Variants in PDS5B observed in about 807,000 individuals in gnomAD.
PDS5B encodes the protein sister chromatid cohesion protein PDS5 homolog B.
In PDS5B, 51 loss-of-function variants were observed where a neutral mutation model predicts 184.1. The observed-to-expected ratio is 0.28, with a 90% CI of 0.22 to 0.35. PDS5B has a LOEUF of 0.35. Ranked by LOEUF, PDS5B falls within the 10% of genes least tolerant of loss-of-function variation. The pLI is 1.00. For missense variants in PDS5B, 1,180 were observed against 1,723.3 expected (o/e 0.68, Z 5.58); for synonymous variants, 566 against 569.2 (o/e 0.99, Z 0.08).
intron 15 of PDS5B, among the ~76,000 whole-genome samples, chr13:32,698,941 G>C (rs146984413): frequency 2.0e-5 from 3 of 152,078 alleles, no homozygotes; most frequent in Non-Finnish European, 4.4e-5. Flanking sequence ...TTTTAGTAGA[G>C]ACAGGGTTTC....
At chr13:32,661,411 CAGAAAA>C (rs374481008) in intron 6 of PDS5B, among the ~76,000 whole-genome samples, 273 of 78,390 alleles carry the variant, frequency 3.5e-3, no homozygotes, top group East Asian at 0.019. Context: ...AAAAAAAAAA[CAGAAAA>C]AGAAAAAGAA....
Position 32,600,350 on chromosome 13 carries a change from CT to C in PDS5B, c.-20+13762del, listed in dbSNP as rs531703312. On this transcript the variant is annotated intron_variant, in intron 1 of 34. Coordinates refer to ENST00000315596, the MANE Select transcript of PDS5B (RefSeq NM_015032.4). ...ATATGATACATCATATCTCTAAACT[CT>C]TTTTATCTTCCCTTGATGAATGTTA... Among the ~76,000 whole-genome samples the C allele has an allele frequency of 5.3e-5, 8 of 152,250 alleles. No homozygotes were observed. In the East Asian group the frequency reaches 1.5e-3, roughly 29 times the overall value.
intron 33 of PDS5B, among the ~76,000 whole-genome samples, chr13:32,771,551 A>T (rs1284351588): frequency 6.6e-6 from 1 of 152,064 alleles, no homozygotes; most frequent in Non-Finnish European, 1.5e-5. Context: ...CAGAGTTGCC[A>T]ATGTACTGTC....
At chr13:32,741,683 TATA>T (rs1953559338) in intron 22 of PDS5B, among the ~76,000 whole-genome samples, 1 of 147,232 alleles carries the variant, frequency 6.8e-6, no homozygotes, top group Admixed American at 7.0e-5. Flanking sequence ...TGTAATTTCT[TATA>T]AACCCTTTCA....
At chr13:32,681,394 G>A (rs147082604) in intron 10 of PDS5B, among the ~76,000 whole-genome samples, 9 of 152,024 alleles carry the variant, frequency 5.9e-5, no homozygotes, top group East Asian at 5.8e-4. Flanking sequence ...AGGCCGAGGC[G>A]GGCAGATTGC....
At position 32,767,564 on chromosome 13, in the gene PDS5B, C is replaced by A. The variant is rs188158628; in HGVS notation, c.3625-2557C>A. On this transcript the variant is annotated intron_variant, in intron 31 of 34. Transcript: ENST00000315596. Reference sequence around the variant, plus strand: ...GGAAAAGGGATTATTTTCTTCATCACAAGAACCAGTGCAACAACAAACATA... The same window carrying A: ...GGAAAAGGGATTATTTTCTTCATCAAAAGAACCAGTGCAACAACAAACATA... Among the ~76,000 whole-genome samples, 43 of 152,238 alleles carry A rather than the reference C, an allele frequency of 2.8e-4. No homozygotes were observed. The East Asian group carries it at 4.8e-3, about 17-fold the overall frequency.
chr13:32,775,485 T>A lies in PDS5B; in HGVS notation c.*433T>A. 2.8e-6 allele frequency: 1 copy of A among 352,810 alleles called. No homozygotes were observed. Among genetic ancestry groups the A allele is most frequent in the Non-Finnish European group, 5.6e-6 (1 of 179,800 alleles). 21.9% of individuals were successfully genotyped at this position (352,810 alleles called of 1,614,324 possible). A position where few individuals can be genotyped will look rare whatever the true frequency, so the allele number is the denominator to read the frequency against. On this transcript the variant is annotated 3_prime_UTR_variant, in exon 35 of 35. Coordinates refer to ENST00000315596, the MANE Select transcript of PDS5B (RefSeq NM_015032.4). ...GTTTGTATTTGTATTCTCTGCAATT[T>A]TACTGTGAAAAAAAATTTGTTTTCA...
At chr13:32,599,674 G>GGATTT (rs2057942281) in intron 1 of PDS5B, among the ~76,000 whole-genome samples, 1 of 151,958 alleles carries the variant, frequency 6.6e-6, no homozygotes, top group Non-Finnish European at 1.5e-5. Context: ...CAGCACTTTG[G>GGATTT]GAGGCCAAGG....
chr13:32,646,922 T>G (rs567134490), intron 1 of PDS5B, among the ~76,000 whole-genome samples: 193 of 152,332 alleles, frequency 1.3e-3, no homozygotes, highest in African/African-American at 4.3e-3. Context: ...AGATAACATT[T>G]TGCTGTCTTC....
intron 20 of PDS5B, among the ~76,000 whole-genome samples, chr13:32,733,515 T>G (rs1953197531): frequency 6.6e-6 from 1 of 152,168 alleles, no homozygotes; most frequent in African/African-American, 2.4e-5. Flanking sequence ...AGGGAAGTCT[T>G]CAAGAATAGC....
At chr13:32,770,885 TA>T in intron 33 of PDS5B, 124 bp downstream of exon 33, 1 of 693,688 alleles carries the variant, frequency 1.4e-6, no homozygotes, top group Non-Finnish European at 2.4e-6. Context: ...CTAGGTAAGA[TA>T]AAATTTTTAT....
chr13:32,649,648 T>C (rs1052481100), intron 2 of PDS5B: 15 of 152,166 alleles, frequency 9.9e-5, no homozygotes, highest in African/African-American at 3.6e-4. Context: ...TAAAAACAAA[T>C]ACTCTTCTTT....
At position 32,606,703 on chromosome 13, in the gene PDS5B, C is replaced by T. The variant is rs551349697; in HGVS notation, c.-20+20110C>T. ...ATGCTGCCTGTCACTTTCAGGTACACGAATCAGATGTAGATTTGGTCTTTT... is the reference window on the plus strand; with the variant it reads ...ATGCTGCCTGTCACTTTCAGGTACATGAATCAGATGTAGATTTGGTCTTTT... On this transcript the variant is annotated intron_variant, in intron 1 of 34. Transcript: ENST00000315596. Among the ~76,000 whole-genome samples the T allele has an allele frequency of 5.3e-5, 8 of 152,322 alleles. No individual in the cohort carries two copies. In the East Asian group the frequency reaches 7.7e-4, roughly 15 times the overall value.
chr13:32,684,256 C>G (rs571779640), intron 11 of PDS5B, among the ~76,000 whole-genome samples: 1 of 152,096 alleles, frequency 6.6e-6, no homozygotes, highest in Non-Finnish European at 1.5e-5. Context: ...TAAGACAGCT[C>G]TTAATGGTAG....
At chr13:32,749,823 C>T (rs1393092733) in intron 24 of PDS5B, among the ~76,000 whole-genome samples, 1 of 151,672 alleles carries the variant, frequency 6.6e-6, no homozygotes, top group Non-Finnish European at 1.5e-5. Context: ...TTGATTGGAA[C>T]TTTATCTGGG....
intron 11 of PDS5B, among the ~76,000 whole-genome samples, chr13:32,686,253 T>A (rs1951386461): frequency 6.6e-6 from 1 of 152,180 alleles, no homozygotes; most frequent in African/African-American, 2.4e-5. Flanking sequence ...ACACTTATTT[T>A]AAAAAAAGTT....
intron 1 of PDS5B, among the ~76,000 whole-genome samples, chr13:32,621,740 A>G (rs910586689): frequency 6.6e-6 from 1 of 152,330 alleles, no homozygotes; most frequent in African/African-American, 2.4e-5. Flanking sequence ...TCAGCAAACT[A>G]TGGCCTGTCA....
chr13:32,663,353 T>C (rs1228366503), intron 6 of PDS5B, among the ~76,000 whole-genome samples: 1 of 151,692 alleles, frequency 6.6e-6, no homozygotes. Flanking sequence ...GGCTAATTGA[T>C]TCCCAATATA....
intron 17 of PDS5B, among the ~76,000 whole-genome samples, chr13:32,703,075 G>T (rs1428472984): frequency 6.6e-6 from 1 of 152,136 alleles, no homozygotes; most frequent in East Asian, 1.9e-4. Context: ...GTAGTACCTT[G>T]AAAAGAATGA....
Sources: allele counts gnomAD v4.1 joint callset (sites outside exome capture counted in the v4.1 genomes callset), GRCh38; gene constraint gnomAD v4.1.1; transcripts MANE v1.5; gene names NCBI Gene and HGNC (gene_info 2026-07-23, HGNC 2026-07-21).